ALX4: variants seen among roughly 807,000 people sequenced by gnomAD.
ALX4 encodes homeobox protein aristaless-like 4.
Under a neutral mutation model 40.6 loss-of-function variants are expected in ALX4, and 22 were observed. The observed-to-expected ratio is 0.54, with a 90% CI of 0.39 to 0.77. The LOEUF (loss-of-function observed/expected upper bound fraction) is 0.77, where lower values mean the gene tolerates loss of function less well. Among genes scored for constraint, ALX4 ranks in the 30% least tolerant of loss-of-function variants. ALX4 has a pLI of 0.00. For missense variants in ALX4, 556 were observed against 564.8 expected (o/e 0.98, Z 0.16); for synonymous variants, 266 against 240.5 (o/e 1.11, Z -0.98).
At chr11:44,274,618 A>G (rs558346137) in intron 2 of ALX4, among the ~76,000 whole-genome samples, 39 of 150,968 alleles carry the variant, frequency 2.6e-4, no homozygotes, top group African/African-American at 9.3e-4. Context: ...GTTGAGTTCT[A>G]TTGGGTTGTG....
At chr11:44,309,144 A>G (rs1352502491) in intron 1 of ALX4, among the ~76,000 whole-genome samples, 1 of 133,892 alleles carries the variant, frequency 7.5e-6, no homozygotes, top group Non-Finnish European at 1.7e-5. Context: ...AGGCTTCTGC[A>G]GTCCTGCTGT....
intron 1 of ALX4, among the ~76,000 whole-genome samples, chr11:44,299,354 G>GTTTTTTTTTT (rs772070484): frequency 8.8e-6 from 1 of 113,078 alleles, no homozygotes; most frequent in Non-Finnish European, 1.7e-5. Context: ...GGGGGCCATG[G>GTTTTTTTTTT]TTTTTTTTTT....
intron 1 of ALX4, among the ~76,000 whole-genome samples, chr11:44,300,447 G>A (rs570479987): frequency 6.6e-6 from 1 of 152,248 alleles, no homozygotes; most frequent in South Asian, 2.1e-4. Flanking sequence ...GGATCCTTGT[G>A]GCCACATAGA....
intron 1 of ALX4, among the ~76,000 whole-genome samples, chr11:44,289,044 T>C (rs1365665084): frequency 2.0e-5 from 3 of 152,048 alleles, no homozygotes; most frequent in African/African-American, 7.2e-5. Context: ...CATGGCCTAG[T>C]GGAAGAGATG....
intron 2 of ALX4, among the ~76,000 whole-genome samples, chr11:44,274,192 AGT>A (rs967590092): frequency 6.6e-6 from 1 of 152,220 alleles, no homozygotes; most frequent in African/African-American, 2.4e-5. Context: ...AAAATAGGAC[AGT>A]GTAACAAAAG....
intron 1 of ALX4, among the ~76,000 whole-genome samples, chr11:44,284,761 C>T (rs555033783): frequency 6.6e-6 from 1 of 152,024 alleles, no homozygotes; most frequent in Admixed American, 6.5e-5. Flanking sequence ...GTCTCTCTGC[C>T]TCTCCTGTCT....
Position 44,280,118 on chromosome 11 carries a change from A to T in ALX4, c.467-4460T>A, listed in dbSNP as rs189710091. On this transcript the variant is annotated intron_variant, in intron 1 of 3. Transcript: ENST00000652299. ...ATACATTGAAAAAGGGCACGCAATG[A>T]CGAATGCCACCATTCAAGGCTGACA... 2.7e-3 allele frequency among the ~76,000 whole-genome samples: 405 copies of T among 152,336 alleles called. 3 individuals are homozygous for T. The highest frequency in any genetic ancestry group is 4.3e-3 in the Admixed American group (66 of 15,306).
chr11:44,271,070 C>T (rs553612034), intron 2 of ALX4, among the ~76,000 whole-genome samples: 5 of 152,310 alleles, frequency 3.3e-5, no homozygotes, highest in South Asian at 2.1e-4. Context: ...CACCACTCTA[C>T]GCCAGGCACC....
intron 1 of ALX4, among the ~76,000 whole-genome samples, chr11:44,282,098 T>C (rs141242965): frequency 9.3e-4 from 142 of 152,316 alleles, no homozygotes; most frequent in African/African-American, 3.3e-3. Context: ...CTGGGGGGAA[T>C]GCTGGAACAG....
At position 44,260,937 on chromosome 11, in the gene ALX4, C is replaced by T. The variant is rs1273518267; in HGVS notation, c.*3917G>A. On this transcript the variant is annotated 3_prime_UTR_variant, in exon 4 of 4. Coordinates refer to ENST00000652299, the MANE Select transcript of ALX4 (RefSeq NM_021926.4). The stretch of plus-strand genomic sequence containing the variant: ...TAAACAGATGATTAGACATTGAAAA[C>T]TGTCCTTCAAAATCAGTAGTATAAA... 1 of 152,124 alleles carries T rather than the reference C, an allele frequency of 6.6e-6. No individual in the cohort carries two copies. The highest frequency in any genetic ancestry group is 1.5e-5 in the Non-Finnish European group (1 of 68,026). 9.4% of individuals were successfully genotyped at this position (152,124 alleles called of 1,614,324 possible). A position where few individuals can be genotyped will look rare whatever the true frequency, so the allele number is the denominator to read the frequency against.
At chr11:44,305,601 C>G (rs1354288270) in intron 1 of ALX4, among the ~76,000 whole-genome samples, 2 of 152,198 alleles carry the variant, frequency 1.3e-5, no homozygotes, top group Non-Finnish European at 2.9e-5. Context: ...CAAATACGAC[C>G]CCGGCAGAAT....
intron 2 of ALX4, among the ~76,000 whole-genome samples, chr11:44,272,535 G>A (rs978637149): frequency 1.5e-4 from 23 of 150,976 alleles, no homozygotes; most frequent in Non-Finnish European, 2.8e-4. Context: ...GCTGGGCATG[G>A]TGGCTCACGC....
intron 2 of ALX4, 41 bp downstream of exon 2, chr11:44,275,307 C>T: frequency 1.2e-6 from 2 of 1,610,056 alleles, no homozygotes; most frequent in Non-Finnish European, 1.7e-6. Context: ...CAGGGACAGG[C>T]TCTGCTTTAC....
intron 1 of ALX4, among the ~76,000 whole-genome samples, chr11:44,291,477 C>T (rs989639187): frequency 1.3e-5 from 2 of 151,774 alleles, no homozygotes; most frequent in Admixed American, 6.6e-5. Flanking sequence ...GGTGCGATCT[C>T]GGCTCACTGC....
rs552991204 is a variant in ALX4, at chr11:44,297,772, G to A, written c.466+11825C>T. Among the ~76,000 whole-genome samples the A allele has an allele frequency of 5.9e-5, 9 of 152,180 alleles. No homozygotes were observed. The South Asian group carries it at 1.9e-3, about 32-fold the overall frequency. ...AAAAGCTCTCTTCAGCTGTGCCCCT[G>A]CCATTCCTCAGCCCACCTCACCGGC... On this transcript the variant is annotated intron_variant, in intron 1 of 3. Coordinates refer to ENST00000652299, the MANE Select transcript of ALX4 (RefSeq NM_021926.4).
In ALX4 at chr11:44,310,055, G is replaced by A. The variant is rs1041331414; in HGVS notation, c.8C>T (p.Ala3Val). 4 of 1,594,212 alleles carry A rather than the reference G, an allele frequency of 2.5e-6. No individual in the cohort carries two copies. The highest frequency in any genetic ancestry group is 1.7e-5 in the Admixed American group (1 of 57,458). ...CTCGCAGTAAGAGACGCAAGTCTCA[G>A]CATTCATGCCTGGCTTGCGCAGGCG... is the stretch of plus-strand genomic sequence containing the variant. MN[A>V]ETCVSYCESP... Residue 3 changes from alanine to valine, a missense_variant, in exon 1 of 4, where the codon GCT becomes GTT. Ala to Val is a moderately conservative substitution (Grantham distance 64). Transcript: ENST00000652299.
At chr11:44,270,790 C>T (rs1167238287) in intron 2 of ALX4, among the ~76,000 whole-genome samples, 1 of 152,244 alleles carries the variant, frequency 6.6e-6, no homozygotes, top group Non-Finnish European at 1.5e-5. Context: ...CCTGGGCCCA[C>T]TCAGCACAGG....
chr11:44,282,008 C>A (rs571913409), intron 1 of ALX4, among the ~76,000 whole-genome samples: 22 of 152,212 alleles, frequency 1.4e-4, no homozygotes, highest in African/African-American at 5.3e-4. Flanking sequence ...GAAATGCTCT[C>A]GAAATAAGGA....
intron 1 of ALX4, among the ~76,000 whole-genome samples, chr11:44,303,900 T>G (rs1956450410): frequency 6.6e-6 from 1 of 152,158 alleles, no homozygotes; most frequent in South Asian, 2.1e-4. Flanking sequence ...AAGGAGCATC[T>G]TGAATGGAGA....
Sources: gnomAD v4.1 joint callset for allele counts (sites outside exome capture counted in the v4.1 genomes callset) on GRCh38, gnomAD v4.1.1 for gene constraint, MANE v1.5 for transcripts, NCBI Gene and HGNC (gene_info 2026-07-23, HGNC 2026-07-21) for gene names.